The following OSBPL10 variants were observed in gnomAD, a reference collection of about 807,000 sequenced individuals.
The protein encoded by OSBPL10 is oxysterol binding protein like 10, also known as oxysterol-binding protein-related protein 10.
OSBPL10 carries 49 observed loss-of-function variants against 81.7 expected under a neutral mutation model. That is an observed-to-expected ratio of 0.60 (90% CI 0.48 to 0.76). OSBPL10 has a LOEUF of 0.76. Ranked by LOEUF, OSBPL10 falls within the 30% of genes least tolerant of loss-of-function variation. OSBPL10 has a pLI of 0.00. For synonymous variants in OSBPL10, 419 were observed against 383.6 expected, an observed-to-expected ratio of 1.09 and a Z score of -1.08; for missense variants, 923 against 987.8, an observed-to-expected ratio of 0.93 and a Z score of 0.88.
chr3:31,745,937 A>G (rs559465029), intron 5 of OSBPL10, among the ~76,000 whole-genome samples: 1 of 152,342 alleles, frequency 6.6e-6, no homozygotes, highest in East Asian at 1.9e-4. Flanking sequence ...ACTATCACTC[A>G]TAATCTGGCT....
At chr3:31,773,684 T>C (rs1698448211) in intron 4 of OSBPL10, among the ~76,000 whole-genome samples, 1 of 152,168 alleles carries the variant, frequency 6.6e-6, no homozygotes, top group African/African-American at 2.4e-5. Context: ...TCTGATTCGA[T>C]TTGGAATAGG....
intron 7 of OSBPL10, among the ~76,000 whole-genome samples, chr3:31,692,588 G>A (rs1188113149): frequency 3.3e-5 from 5 of 152,048 alleles, no homozygotes; most frequent in Admixed American, 2.0e-4. Flanking sequence ...AGAAAAAGGA[G>A]AAACAATTGT....
chr3:31,876,290 G>A, intron 3 of OSBPL10, 143 bp downstream of exon 3: 1 of 666,442 alleles, frequency 1.5e-6, no homozygotes, highest in South Asian at 1.9e-5. Context: ...TTAAATTTAT[G>A]TGCAGCAGGA....
At position 31,809,869 on chromosome 3, in the gene OSBPL10, C is replaced by CTTTTTTTTTT. The variant is rs34795137; in HGVS notation, c.729+20161_729+20170dup. 8.2e-4 allele frequency among the ~76,000 whole-genome samples: 81 copies of CTTTTTTTTTT among 98,594 alleles called. 1 individual carries two copies. Among genetic ancestry groups the CTTTTTTTTTT allele is most frequent in the African/African-American group, 2.4e-3 (44 of 18,416 alleles). The allele number at this position is 98,594 out of a possible 152,430, so 64.7% of individuals were successfully genotyped here. A position where few individuals can be genotyped will look rare whatever the true frequency, so the allele number is the denominator to read the frequency against. On this transcript the variant is annotated intron_variant, in intron 4 of 11. Coordinates refer to ENST00000396556, the MANE Select transcript of OSBPL10 (RefSeq NM_017784.5). ...AAATGTCAATGGGTGCCCCCTGACTCTTTTTTTTTTTTTTTTTTTGAGATG... is the reference window on the plus strand; with the variant it reads ...AAATGTCAATGGGTGCCCCCTGACTCTTTTTTTTTTTTTTTTTTTTTTTTTTTTTGAGATG...
intron 6 of OSBPL10, among the ~76,000 whole-genome samples, chr3:31,722,657 A>ATT (rs1696682369): frequency 6.6e-6 from 1 of 152,062 alleles, no homozygotes; most frequent in Non-Finnish European, 1.5e-5. Flanking sequence ...CTTGAATTAC[A>ATT]TTATATATAT....
chr3:31,986,632 A>G (rs1698937658), intron 2 of OSBPL10, among the ~76,000 whole-genome samples: 1 of 152,206 alleles, frequency 6.6e-6, no homozygotes, highest in Non-Finnish European at 1.5e-5. Flanking sequence ...ATACAAATAT[A>G]CAAATAAAAT....
intron 4 of OSBPL10, among the ~76,000 whole-genome samples, chr3:31,777,646 T>C (rs1251169132): frequency 6.6e-6 from 1 of 152,080 alleles, no homozygotes; most frequent in African/African-American, 2.4e-5. Context: ...ACGTGGCCAC[T>C]CTCCTTGCAG....
intron 1 of OSBPL10, among the ~76,000 whole-genome samples, chr3:31,921,572 A>G (rs960018286): frequency 1.6e-4 from 25 of 152,214 alleles, no homozygotes; most frequent in African/African-American, 6.0e-4. Context: ...ATCCAGAGTA[A>G]AAAATAAATA....
chr3:31,725,525 T>C (rs1696781327), intron 6 of OSBPL10, among the ~76,000 whole-genome samples: 1 of 152,124 alleles, frequency 6.6e-6, no homozygotes, highest in African/African-American at 2.4e-5. Context: ...AAGAATTCTA[T>C]CCCATGATGA....
intron 7 of OSBPL10, among the ~76,000 whole-genome samples, chr3:31,699,065 C>T (rs193211225): frequency 3.3e-5 from 5 of 152,314 alleles, no homozygotes; most frequent in African/African-American, 4.8e-5. Flanking sequence ...TGAGTGAACA[C>T]GTTACAAATT....
intron 3 of OSBPL10, among the ~76,000 whole-genome samples, chr3:31,860,104 C>T (rs1701022386): frequency 1.3e-5 from 2 of 152,168 alleles, no homozygotes; most frequent in Non-Finnish European, 2.9e-5. Context: ...TGCTCCCTTA[C>T]ATGAAGTCTG....
chr3:32,054,213 A>C (rs1450564200), intron 1 of OSBPL10, among the ~76,000 whole-genome samples: 2 of 152,186 alleles, frequency 1.3e-5, no homozygotes, highest in African/African-American at 4.8e-5. Flanking sequence ...ATATTTAATA[A>C]ACTTTCCAAA....
chr3:32,024,507 T>G (rs972947251), intron 2 of OSBPL10, among the ~76,000 whole-genome samples: 2 of 148,886 alleles, frequency 1.3e-5, no homozygotes, highest in African/African-American at 5.0e-5. Context: ...TTTTTTTTTT[T>G]GAGACAAAGT....
chr3:31,815,063 T>C (rs1361476196), intron 4 of OSBPL10, among the ~76,000 whole-genome samples: 1 of 130,716 alleles, frequency 7.7e-6, no homozygotes, highest in African/African-American at 2.6e-5. Context: ...CTTAGAGTCC[T>C]GCATGACTCT....
intron 1 of OSBPL10, among the ~76,000 whole-genome samples, chr3:31,940,900 A>C (rs1697517833): frequency 6.6e-6 from 1 of 152,076 alleles, no homozygotes; most frequent in Non-Finnish European, 1.5e-5. Flanking sequence ...GGCTTCCCAA[A>C]GTGCTGGGAT....
At chr3:31,918,149 AG>A (rs1696810030) in intron 1 of OSBPL10, among the ~76,000 whole-genome samples, 1 of 152,184 alleles carries the variant, frequency 6.6e-6, no homozygotes, top group Admixed American at 6.5e-5. Flanking sequence ...TCCAAACAAA[AG>A]CCCTCCTCAG....
chr3:31,686,963 A>T (rs1700807725), intron 7 of OSBPL10, among the ~76,000 whole-genome samples: 1 of 152,134 alleles, frequency 6.6e-6, no homozygotes, highest in Non-Finnish European at 1.5e-5. Context: ...GAATCACCCA[A>T]GGGCTCCCCT....
intron 9 of OSBPL10, among the ~76,000 whole-genome samples, chr3:31,670,133 A>G (rs1700287121): frequency 6.6e-6 from 1 of 152,210 alleles, no homozygotes; most frequent in Admixed American, 6.5e-5. Context: ...GGTGTCCCCA[A>G]GGGTGTCCAC....
chr3:31,798,384 C>G (rs113569420), intron 4 of OSBPL10, among the ~76,000 whole-genome samples: 3,921 of 150,188 alleles, frequency 0.026, 78 homozygotes, highest in Middle Eastern at 0.038. Context: ...GAGCCGAGAT[C>G]ACACCATTGC....
Sources: gnomAD v4.1 joint callset for allele counts (sites outside exome capture counted in the v4.1 genomes callset) on GRCh38, gnomAD v4.1.1 for gene constraint, MANE v1.5 for transcripts, NCBI Gene and HGNC (gene_info 2026-07-23, HGNC 2026-07-21) for gene names.